The following ITPKB variants were observed in gnomAD, a reference collection of about 807,000 sequenced individuals.
The protein encoded by ITPKB is IP3 3-kinase B.
Under a neutral mutation model 69.4 loss-of-function variants are expected in ITPKB, and 13 were observed. The ratio of observed to expected loss-of-function variants is 0.19; its 90% CI spans 0.12 to 0.30. The LOEUF (loss-of-function observed/expected upper bound fraction) is 0.30. ITPKB is among the 10% of genes least tolerant of loss of function. The pLI is 1.00. For missense variants in ITPKB, 1,240 were observed against 1,250.5 expected, an observed-to-expected ratio of 0.99 and a Z score of 0.13; for synonymous variants, 584 against 513.7, an observed-to-expected ratio of 1.14 and a Z score of -1.85.
intron 2 of ITPKB, among the ~76,000 whole-genome samples, chr1:226,688,792 C>A (rs1656277508): frequency 6.6e-6 from 1 of 152,188 alleles, no homozygotes; most frequent in African/African-American, 2.4e-5. Context: ...GCTGGTATGA[C>A]TCTCACTGAT....
chr1:226,709,731 T>G (rs1309136889), intron 2 of ITPKB, among the ~76,000 whole-genome samples: 3 of 152,240 alleles, frequency 2.0e-5, no homozygotes, highest in Non-Finnish European at 4.4e-5. Context: ...CACCTGTCCC[T>G]GTCTACAGGC....
At position 226,632,322 on chromosome 1, in the gene ITPKB, C is replaced by T. The variant is rs1668744617; in HGVS notation, c.*2349G>A. ...CATGCACTGCCAGGACCCAAGGAGTCCCTGTGGTGACGAGGGCTGGGCAGG... is the reference window on the plus strand; with the variant it reads ...CATGCACTGCCAGGACCCAAGGAGTTCCTGTGGTGACGAGGGCTGGGCAGG... On this transcript the variant is annotated 3_prime_UTR_variant, in exon 8 of 8. Coordinates refer to ENST00000429204, the MANE Select transcript of ITPKB (RefSeq NM_002221.4). The T allele has an allele frequency of 2.0e-5, 3 of 152,196 alleles. No individual in the cohort carries two copies. The highest frequency in any genetic ancestry group is 4.4e-5 in the Non-Finnish European group (3 of 68,070). 9.4% of individuals were successfully genotyped at this position (152,196 alleles called of 1,614,324 possible). A position where few individuals can be genotyped will look rare whatever the true frequency, so the allele number is the denominator to read the frequency against.
Position 226,737,035 on chromosome 1 carries a change from G to C in ITPKB, c.424C>G (p.Gln142Glu). The C allele has an allele frequency of 6.2e-7, 1 of 1,612,364 alleles. No homozygotes were observed. Among genetic ancestry groups the C allele is most frequent in the Non-Finnish European group, 8.5e-7 (1 of 1,179,934 alleles). ...AACATGCCCACTTTCTGGTTCACCT[G>C]CACGTTCTGCAACTCGCGCTGCAAG... Reference protein sequence around the residue: ...RILQRELQNVQVNQKVGMFEA... With the variant: ...RILQRELQNVEVNQKVGMFEA... The change falls in exon 2 of 8, where the codon CAG becomes GAG. Residue 142 changes from glutamine to glutamate, a missense_variant. Transcript: ENST00000429204.
At position 226,677,311 on chromosome 1, in the gene ITPKB, G is replaced by A. The variant is rs573211425; in HGVS notation, c.1933-28540C>T. On this transcript the variant is annotated intron_variant, in intron 2 of 7. Coordinates refer to ENST00000429204, the MANE Select transcript of ITPKB (RefSeq NM_002221.4). ...GCAGATTCACCCTTCTCTATTATTA[G>A]CAACCCAGGCACGATGCCACCAGGG... is the stretch of plus-strand genomic sequence containing the variant. Among the ~76,000 whole-genome samples, 106 of 152,318 alleles carry A rather than the reference G, an allele frequency of 7.0e-4. No homozygotes were observed. In the South Asian group the frequency reaches 0.022, roughly 31 times the overall value.
chr1:226,680,418 C>A (rs1656053926), intron 2 of ITPKB, among the ~76,000 whole-genome samples: 1 of 152,148 alleles, frequency 6.6e-6, no homozygotes, highest in Non-Finnish European at 1.5e-5. Flanking sequence ...CAGCAGGAGG[C>A]ACAGAAATGT....
intron 2 of ITPKB, among the ~76,000 whole-genome samples, chr1:226,726,392 C>G (rs1483353927): frequency 6.6e-6 from 1 of 152,226 alleles, no homozygotes; most frequent in Non-Finnish European, 1.5e-5. Flanking sequence ...GGCTCAGTGG[C>G]TCCCAGCTGT....
In ITPKB at chr1:226,733,655, C is replaced by A. The variant is rs554251718; in HGVS notation, c.1932+1872G>T. Reference sequence around the variant, plus strand: ...AAGCCGGCAGGGGATTTTTCCCTGGCTCTGCTCTGCGGGTGTCTGAAAACC... The same window carrying A: ...AAGCCGGCAGGGGATTTTTCCCTGGATCTGCTCTGCGGGTGTCTGAAAACC... On this transcript the variant is annotated intron_variant, in intron 2 of 7. Transcript: ENST00000429204. Among the ~76,000 whole-genome samples, 3 of 152,260 alleles carry A rather than the reference C, an allele frequency of 2.0e-5. No homozygotes were observed. The South Asian group carries it at 6.2e-4, about 32-fold the overall frequency.
intron 2 of ITPKB, among the ~76,000 whole-genome samples, chr1:226,714,280 C>G (rs902026854): frequency 6.6e-6 from 1 of 152,236 alleles, no homozygotes; most frequent in Non-Finnish European, 1.5e-5. Flanking sequence ...TCACCATGTT[C>G]TCATTCCCTC....
At chr1:226,659,867 C>T (rs947733025) in intron 2 of ITPKB, among the ~76,000 whole-genome samples, 4 of 152,132 alleles carry the variant, frequency 2.6e-5, no homozygotes, top group Admixed American at 6.5e-5. Context: ...GCTGCACAGC[C>T]GGCAGGAATC....
Position 226,736,997 on chromosome 1 carries a change from G to C in ITPKB, c.462C>G (p.Ile154Met), listed in dbSNP as rs761432448. Residue 154 changes from isoleucine (I) to methionine (M), a missense_variant, in exon 2 of 8, where the codon ATC (isoleucine) becomes ATG (methionine). Physicochemically the swap from Ile to Met is conservative, Grantham distance 10 (BLOSUM62 1). Around this residue, in one of 2 missense-constraint regions of ITPKB, gnomAD observed 992 missense variants for 853.8 expected, o/e 1.16. Coordinates refer to ENST00000429204, the MANE Select transcript of ITPKB (RefSeq NM_002221.4). ...CTTGAATGGCGGAGCTCTGTGCCTGGATGTGCGCCTCAAACATGCCCACTT... is the reference window on the plus strand; with the variant it reads ...CTTGAATGGCGGAGCTCTGTGCCTGCATGTGCGCCTCAAACATGCCCACTT... ...NQKVGMFEAH[I>M]QAQSSAIQAP... is the part of the protein sequence containing the mutation. 1.2e-6 allele frequency: 2 copies of C among 1,612,702 alleles called. No individual in the cohort carries two copies. The highest frequency in any genetic ancestry group is 3.3e-5 in the Admixed American group (2 of 60,008).
chr1:226,668,850 A>G (rs1018347914), intron 2 of ITPKB: 4 of 152,178 alleles, frequency 2.6e-5, no homozygotes, highest in Non-Finnish European at 4.4e-5. Flanking sequence ...TTTACAGAAG[A>G]CTCAAAACCA....
intron 2 of ITPKB, among the ~76,000 whole-genome samples, chr1:226,711,438 AGAGAGTGTGTGTGT>A (rs1215437523): frequency 5.2e-5 from 6 of 116,042 alleles, no homozygotes; most frequent in African/African-American, 6.8e-5. Flanking sequence ...AGAGAGAGAG[AGAGAGTGTGTGTGT>A]GTGTGTGTGT....
chr1:226,656,368 G>A (rs1669289813), intron 2 of ITPKB, among the ~76,000 whole-genome samples: 1 of 152,222 alleles, frequency 6.6e-6, no homozygotes, highest in Non-Finnish European at 1.5e-5. Context: ...CTGGAGCCCG[G>A]TCAGAGGCTG....
chr1:226,722,812 C>T (rs1657282873), intron 2 of ITPKB, among the ~76,000 whole-genome samples: 1 of 152,186 alleles, frequency 6.6e-6, no homozygotes, highest in Non-Finnish European at 1.5e-5. Context: ...CAAAACTGCA[C>T]ATTCAGAGCC....
chr1:226,700,426 G>A (rs1342840526), intron 2 of ITPKB, among the ~76,000 whole-genome samples: 5 of 118,506 alleles, frequency 4.2e-5, no homozygotes, highest in Admixed American at 2.4e-4. Flanking sequence ...CCCAGATCAC[G>A]CCACGGCACT....
intron 2 of ITPKB, among the ~76,000 whole-genome samples, chr1:226,725,372 C>T (rs1017002254): frequency 2.0e-5 from 3 of 152,220 alleles, no homozygotes; most frequent in Non-Finnish European, 2.9e-5. Flanking sequence ...AATCCAGCTC[C>T]GTGGAAAAGG....
intron 2 of ITPKB, among the ~76,000 whole-genome samples, chr1:226,697,877 A>T (rs1236482167): frequency 6.6e-6 from 1 of 152,208 alleles, no homozygotes; most frequent in African/African-American, 2.4e-5. Context: ...AGGGGTCCCC[A>T]AGAGGAGCCA....
chr1:226,653,529 G>C (rs1385612989), intron 2 of ITPKB, among the ~76,000 whole-genome samples: 1 of 152,192 alleles, frequency 6.6e-6, no homozygotes, highest in Non-Finnish European at 1.5e-5. Context: ...GGCTGCTCAG[G>C]TGCCACTTCC....
chr1:226,691,188 T>C (rs1656340760), intron 2 of ITPKB, among the ~76,000 whole-genome samples: 2 of 152,042 alleles, frequency 1.3e-5, no homozygotes, highest in Non-Finnish European at 2.9e-5. Flanking sequence ...ACTGTGCACT[T>C]AAAATGGTTA....
Sources: allele counts gnomAD v4.1 joint callset (sites outside exome capture counted in the v4.1 genomes callset), GRCh38; gene constraint gnomAD v4.1.1; regional missense constraint gnomAD v4.1.1; transcripts MANE v1.5; gene names NCBI Gene and HGNC (gene_info 2026-07-23, HGNC 2026-07-21).